The following KCNJ18 variants were observed in gnomAD, a reference collection of about 807,000 sequenced individuals.
The protein encoded by KCNJ18 is inward rectifier potassium channel 18.
In KCNJ18, 16 loss-of-function variants were observed where a neutral mutation model predicts 17.3. That is an observed-to-expected ratio of 0.92 (90% CI 0.62 to 1.40). The LOEUF (loss-of-function observed/expected upper bound fraction) is 1.40. KCNJ18 is among the 40% of genes most tolerant of loss of function. The pLI is 0.00. For synonymous variants in KCNJ18, 185 were observed against 262.6 expected (o/e 0.70, Z 2.86); for missense variants, 462 against 626.8 (o/e 0.74, Z 2.81).
Position 21,697,245 on chromosome 17 carries a change from C to G in KCNJ18, c.-57+1141C>G, listed in dbSNP as rs1318864227. ...GTAAGGGCCTAGGATATCAGTGGGG[C>G]ACCCACCACCCCATGCCCTGCACAC... On this transcript the variant is annotated intron_variant, in intron 2 of 2. Transcript: ENST00000567955. 3.3e-5 allele frequency among the ~76,000 whole-genome samples: 5 copies of G among 152,312 alleles called. No individual in the cohort carries two copies. The East Asian group carries it at 9.6e-4, about 29-fold the overall frequency.
At chr17:21,702,095 C>CCTGGGGCACAAGGAGGCCT (rs1398207031) in intron 2 of KCNJ18, among the ~76,000 whole-genome samples, 114 of 152,324 alleles carry the variant, frequency 7.5e-4, no homozygotes, top group African/African-American at 2.6e-3. Context: ...CATGGGTCTT[C>CCTGGGGCACAAGGAGGCCT]CTGGGGCACA....
rs1378776502 is a variant in KCNJ18, at chr17:21,694,624, C to A, written c.-178-1359C>A. The stretch of plus-strand genomic sequence containing the variant: ...CCCACCCATCCATCCACCCATCCAC[C>A]CATCCATCTATCCATCTACCCACCC... On this transcript the variant is annotated intron_variant, in intron 1 of 2. Transcript: ENST00000567955. Among the ~76,000 whole-genome samples, 281 of 151,208 alleles carry A rather than the reference C, an allele frequency of 1.9e-3. 1 individual carries two copies. Among genetic ancestry groups the A allele is most frequent in the South Asian group, 3.6e-3 (17 of 4,666 alleles).
chr17:21,699,672 G>A (rs1320403717), intron 2 of KCNJ18, among the ~76,000 whole-genome samples: 4 of 152,306 alleles, frequency 2.6e-5, no homozygotes, highest in African/African-American at 9.6e-5. Flanking sequence ...GATGCTCTCT[G>A]TGTGGTAAAA....
intron 1 of KCNJ18, among the ~76,000 whole-genome samples, chr17:21,693,906 G>A (rs1291575722): frequency 2.0e-5 from 3 of 152,200 alleles, no homozygotes; most frequent in African/African-American, 7.2e-5. Flanking sequence ...TGTGGCTTCT[G>A]CTCCCAGAAT....
intron 1 of KCNJ18, among the ~76,000 whole-genome samples, chr17:21,694,439 C>T (rs1273009112): frequency 1.3e-5 from 2 of 152,084 alleles, no homozygotes; most frequent in African/African-American, 4.8e-5. Context: ...CAAGGCAAAT[C>T]TCTGGCAAAT....
intron 1 of KCNJ18, among the ~76,000 whole-genome samples, chr17:21,694,222 G>A (rs1905689122): frequency 6.6e-6 from 1 of 152,150 alleles, no homozygotes; most frequent in African/African-American, 2.4e-5. Flanking sequence ...ACCTTGGAAA[G>A]GGCAGGCCCC....
chr17:21,703,892 T>C lies in KCNJ18; in HGVS notation c.1106T>C (p.Leu369Pro). 1 of 1,612,910 alleles carries C rather than the reference T, an allele frequency of 6.2e-7. No homozygotes were observed. Among genetic ancestry groups the C allele is most frequent in the Non-Finnish European group, 8.5e-7 (1 of 1,180,040 alleles). The stretch of plus-strand genomic sequence containing the variant: ...GATCTGGTAGAGAACAAGTTCCTGC[T>C]GCCCAGTGCCAACTCCTTCTGCTAT... ...AKDLVENKFL[L>P]PSANSFCYEN... Residue 369 changes from leucine to proline, a missense_variant, in exon 3 of 3, where the codon CTG becomes CCG. This residue lies in a region of KCNJ18 where 123 missense variants were observed against 117.5 expected (regional missense o/e 1.05). Coordinates refer to ENST00000567955, the MANE Select transcript of KCNJ18 (RefSeq NM_001194958.2).
At position 21,704,524 on chromosome 17, in the gene KCNJ18, C is replaced by CAA. The variant is rs1181188623; in HGVS notation, c.*449_*450dup. 42 of 117,380 alleles carry CAA rather than the reference C, an allele frequency of 3.6e-4. No individual in the cohort carries two copies. Among genetic ancestry groups the CAA allele is most frequent in the Middle Eastern group, 4.2e-3 (1 of 238 alleles). The allele number at this position is 117,380 out of a possible 1,614,324, so 7.3% of individuals were successfully genotyped here. ...ACCTTAGCTTGGGTGAGACTGTTTA[C>CAA]AAAAAAAAAAAAAACCATGCAATTG... On this transcript the variant is annotated 3_prime_UTR_variant, in exon 3 of 3. Coordinates refer to ENST00000567955, the MANE Select transcript of KCNJ18 (RefSeq NM_001194958.2).
At position 21,703,053 on chromosome 17, in the gene KCNJ18, G is replaced by T. The variant is rs1355135604; in HGVS notation, c.267G>T (p.Leu89=). ...GCTACATGCTGCTCATCTTCTCGCTGGCCTTCCTTGCCTCCTGGCTGCTGT... is the reference window on the plus strand; with the variant it reads ...GCTACATGCTGCTCATCTTCTCGCTTGCCTTCCTTGCCTCCTGGCTGCTGT... ...RWRYMLLIFS[L]AFLASWLLFG... is the part of the protein sequence containing the mutation. Residue 89 remains leucine (L), a synonymous_variant, in exon 3 of 3, where the codon CTG becomes CTT. Coordinates refer to ENST00000567955, the MANE Select transcript of KCNJ18 (RefSeq NM_001194958.2). 307 of 1,613,062 alleles carry T rather than the reference G, an allele frequency of 1.9e-4. 1 individual carries two copies. Among genetic ancestry groups the T allele is most frequent in the Non-Finnish European group, 2.5e-4 (296 of 1,179,846 alleles).
intron 2 of KCNJ18, among the ~76,000 whole-genome samples, chr17:21,701,300 A>G (rs1905941956): frequency 6.6e-6 from 1 of 152,294 alleles, no homozygotes; most frequent in African/African-American, 2.4e-5. Flanking sequence ...GCTGGCCTGG[A>G]GCCAGGTGCT....
chr17:21,700,843 C>T (rs1318216088), intron 2 of KCNJ18, among the ~76,000 whole-genome samples: 2 of 110,978 alleles, frequency 1.8e-5, no homozygotes, highest in African/African-American at 6.7e-5. Context: ...GCCATCCCCC[C>T]AGGATGTTCT....
intron 2 of KCNJ18, among the ~76,000 whole-genome samples, chr17:21,702,338 C>T (rs1338040994): frequency 2.0e-5 from 3 of 152,008 alleles, no homozygotes; most frequent in Non-Finnish European, 4.4e-5. Context: ...ACTCAGCTTC[C>T]ACAGGCCCTC....
intron 2 of KCNJ18, among the ~76,000 whole-genome samples, chr17:21,696,482 C>T (rs1905763357): frequency 2.0e-5 from 3 of 152,326 alleles, no homozygotes; most frequent in Non-Finnish European, 2.9e-5. Flanking sequence ...CCACCCATCT[C>T]CTCATCCATC....
At position 21,704,467 on chromosome 17, in the gene KCNJ18, T is replaced by C; in HGVS notation, c.*379T>C. The C allele has an allele frequency of 4.4e-6, 1 of 227,892 alleles. No homozygotes were observed. Among genetic ancestry groups the C allele is most frequent in the Non-Finnish European group, 9.2e-6 (1 of 108,304 alleles). 14.1% of individuals were successfully genotyped at this position (227,892 alleles called of 1,614,324 possible). A position where few individuals can be genotyped will look rare whatever the true frequency, so the allele number is the denominator to read the frequency against. ...GCGGTGCTCCTTGCTGGTTTTTAAC[T>C]TGGGGAGAAACACCGGGTTTCAGCT... is the stretch of plus-strand genomic sequence containing the variant. On this transcript the variant is annotated 3_prime_UTR_variant, in exon 3 of 3. Transcript: ENST00000567955.
chr17:21,702,395 C>T (rs1395218029), intron 2 of KCNJ18, among the ~76,000 whole-genome samples: 16 of 152,104 alleles, frequency 1.1e-4, no homozygotes, highest in Admixed American at 2.0e-4. Context: ...GGCAGAGAGG[C>T]TGGCAAGTTG....
At chr17:21,699,718 T>G (rs1905876431) in intron 2 of KCNJ18, among the ~76,000 whole-genome samples, 4 of 152,308 alleles carry the variant, frequency 2.6e-5, no homozygotes, top group Admixed American at 2.6e-4. Context: ...AGTGGGGGTT[T>G]CCAAGCCTGT....
At chr17:21,701,384 C>A (rs1331738827) in intron 2 of KCNJ18, among the ~76,000 whole-genome samples, 1,128 of 152,322 alleles carry the variant, frequency 7.4e-3, no homozygotes, top group Non-Finnish European at 9.8e-3. Context: ...AGGGTAGCAG[C>A]CTTGCAATCT....
intron 2 of KCNJ18, among the ~76,000 whole-genome samples, chr17:21,697,700 G>A (rs1229985766): frequency 6.6e-6 from 1 of 152,310 alleles, no homozygotes; most frequent in South Asian, 2.1e-4. Context: ...CCCTAACCCT[G>A]CAGCCAGCCC....
At chr17:21,694,806 T>TTCCA (rs1294845282) in intron 1 of KCNJ18, among the ~76,000 whole-genome samples, 52 of 151,016 alleles carry the variant, frequency 3.4e-4, no homozygotes, top group African/African-American at 1.2e-3. Context: ...TCACCCAACA[T>TTCCA]TCCATCCATC....
Sources: allele counts gnomAD v4.1 joint callset (sites outside exome capture counted in the v4.1 genomes callset), GRCh38; gene constraint gnomAD v4.1.1; regional missense constraint gnomAD v4.1.1; transcripts MANE v1.5; gene names NCBI Gene and HGNC (gene_info 2026-07-23, HGNC 2026-07-21).